Variants in EPHA5 observed in about 807,000 individuals in gnomAD.
The protein encoded by EPHA5 is ephrin type-A receptor 5.
Under a neutral mutation model 105.0 loss-of-function variants are expected in EPHA5, and 60 were observed. That is an observed-to-expected ratio of 0.57 (90% CI 0.46 to 0.71). The LOEUF is 0.71. EPHA5 is among the 30% of genes least tolerant of loss of function. The pLI, the probability that EPHA5 is intolerant of heterozygous loss-of-function variation, is 0.00. For synonymous variants in EPHA5, 513 were observed against 449.1 expected (o/e 1.14, Z -1.80); for missense variants, 1,218 against 1,274.7 (o/e 0.96, Z 0.68).
intron 12 of EPHA5, among the ~76,000 whole-genome samples, chr4:65,352,403 G>A (rs1297569638): frequency 6.6e-6 from 1 of 151,890 alleles, no homozygotes; most frequent in Non-Finnish European, 1.5e-5. Context: ...TGTTTAATCA[G>A]GCCTGCAAAT....
chr4:65,602,623 G>A (rs1578549756), intron 2 of EPHA5, among the ~76,000 whole-genome samples: 1 of 152,068 alleles, frequency 6.6e-6, no homozygotes, highest in Admixed American at 6.6e-5. Flanking sequence ...AAATTTAAAC[G>A]TGGGTGAGGT....
chr4:65,492,991 T>TTTC (rs1179957581), intron 4 of EPHA5, among the ~76,000 whole-genome samples: 1 of 151,602 alleles, frequency 6.6e-6, no homozygotes, highest in Non-Finnish European at 1.5e-5. Flanking sequence ...TTGTTTTGTT[T>TTTC]TGTTTTTTAA....
chr4:65,486,327 C>G (rs1402356041), intron 5 of EPHA5, among the ~76,000 whole-genome samples: 1 of 151,684 alleles, frequency 6.6e-6, no homozygotes, highest in Non-Finnish European at 1.5e-5. Context: ...CCATCTGGCC[C>G]TTCTTTGAGT....
chr4:65,511,299 A>T (rs1733606455), intron 3 of EPHA5, among the ~76,000 whole-genome samples: 1 of 152,156 alleles, frequency 6.6e-6, no homozygotes, highest in Non-Finnish European at 1.5e-5. Flanking sequence ...AATTATCTTT[A>T]TAAGAGGTCC....
At chr4:65,380,384 C>G (rs1467863000) in intron 8 of EPHA5, among the ~76,000 whole-genome samples, 1 of 151,726 alleles carries the variant, frequency 6.6e-6, no homozygotes, top group Non-Finnish European at 1.5e-5. Context: ...CTTTAGTCAG[C>G]TCTTACACAG....
intron 16 of EPHA5, chr4:65,330,505 T>C (rs67043049): frequency 0.27 from 89,826 of 338,798 alleles, 12,320 homozygotes; most frequent in East Asian, 0.35. Flanking sequence ...AAAAATGTAG[T>C]AGATGTAACT....
intron 8 of EPHA5, among the ~76,000 whole-genome samples, chr4:65,404,104 TAAA>T: frequency 6.6e-6 from 1 of 152,170 alleles, no homozygotes; most frequent in African/African-American, 2.4e-5. Context: ...ATGTGTCATA[TAAA>T]GAGATATAGC....
rs946720121 is a variant in EPHA5, at chr4:65,579,452, A to T, written c.910+22189T>A. ...ATTGTGGCAGTATAGATTAAATAAA[A>T]TTTTAATGTGAGATGCCTGAATATG... On this transcript the variant is annotated intron_variant, in intron 3 of 16. Transcript: ENST00000613740. Among the ~76,000 whole-genome samples the T allele has an allele frequency of 5.3e-5, 8 of 150,378 alleles. No homozygotes were observed. In the East Asian group the frequency reaches 1.6e-3, roughly 29 times the overall value.
At chr4:65,421,249 G>T (rs560740193) in intron 5 of EPHA5, among the ~76,000 whole-genome samples, 4 of 152,100 alleles carry the variant, frequency 2.6e-5, no homozygotes, top group African/African-American at 9.6e-5. Flanking sequence ...TTTCGGGTAT[G>T]TCTGGATATT....
At chr4:65,492,563 TC>T (rs1731517505) in intron 4 of EPHA5, among the ~76,000 whole-genome samples, 1 of 109,966 alleles carries the variant, frequency 9.1e-6, no homozygotes, top group African/African-American at 3.4e-5. Context: ...AAAAAAAAAA[TC>T]CCCACCTTGA....
Position 65,667,901 on chromosome 4 carries a change from A to G in EPHA5, c.181+1661T>C, listed in dbSNP as rs549524909. 1.5e-3 allele frequency among the ~76,000 whole-genome samples: 231 copies of G among 152,252 alleles called. 2 individuals carry two copies. Among genetic ancestry groups the G allele is most frequent in the Middle Eastern group, 3.4e-3 (1 of 294 alleles). On this transcript the variant is annotated intron_variant, in intron 1 of 16. Coordinates refer to ENST00000613740, the MANE Select transcript of EPHA5 (RefSeq NM_001281766.3). ...AGGATGCCCCTTTCGGTGGAATAAG[A>G]CAGTTAATAAAAGAGCCTCCTCCAA...
chr4:65,400,022 A>T (rs1314125554), intron 8 of EPHA5, among the ~76,000 whole-genome samples: 2 of 152,196 alleles, frequency 1.3e-5, no homozygotes, highest in African/African-American at 4.8e-5. Context: ...ACAGATAAAT[A>T]AAAAAGTCAA....
At chr4:65,630,081 T>A (rs945767518) in intron 2 of EPHA5, among the ~76,000 whole-genome samples, 21 of 146,624 alleles carry the variant, frequency 1.4e-4, no homozygotes, top group South Asian at 2.2e-4. Context: ...TCTCTCTCTC[T>A]CACACACACA....
At chr4:65,515,351 T>A (rs1044228869) in intron 3 of EPHA5, among the ~76,000 whole-genome samples, 2 of 152,174 alleles carry the variant, frequency 1.3e-5, no homozygotes, top group Non-Finnish European at 2.9e-5. Flanking sequence ...CCATTTGAAT[T>A]GCAAAACCAG....
intron 13 of EPHA5, among the ~76,000 whole-genome samples, chr4:65,348,940 C>T (rs541962390): frequency 9.3e-4 from 138 of 149,114 alleles, no homozygotes; most frequent in Middle Eastern, 3.4e-3. Flanking sequence ...TTCAGCCTCC[C>T]GAGTAGCTGG....
intron 5 of EPHA5, among the ~76,000 whole-genome samples, chr4:65,475,733 A>G (rs1729732338): frequency 6.6e-6 from 1 of 152,174 alleles, no homozygotes; most frequent in African/African-American, 2.4e-5. Context: ...AAGCCACACG[A>G]ATGTTTGATG....
At chr4:65,423,158 ATTAAT>A (rs1206356337) in intron 5 of EPHA5, among the ~76,000 whole-genome samples, 1 of 151,982 alleles carries the variant, frequency 6.6e-6, no homozygotes, top group Non-Finnish European at 1.5e-5. Context: ...CTCAACTGGG[ATTAAT>A]TTAATGTTTT....
chr4:65,368,353 C>T (rs11737618), intron 8 of EPHA5, among the ~76,000 whole-genome samples: 14,563 of 152,122 alleles, frequency 0.096, 743 homozygotes, highest in Middle Eastern at 0.15. Flanking sequence ...AACATTCAAA[C>T]TCAATGGACC....
At chr4:65,456,717 AAC>A (rs202117547) in intron 5 of EPHA5, among the ~76,000 whole-genome samples, 7,952 of 93,426 alleles carry the variant, frequency 0.085, 335 homozygotes, top group African/African-American at 0.15. Flanking sequence ...ATACAAAATA[AAC>A]ATATACACAC....
Sources: gnomAD v4.1 joint callset for allele counts (sites outside exome capture counted in the v4.1 genomes callset) on GRCh38, gnomAD v4.1.1 for gene constraint, MANE v1.5 for transcripts, NCBI Gene and HGNC (gene_info 2026-07-23, HGNC 2026-07-21) for gene names.